CCDC12: variants seen among roughly 807,000 people sequenced by gnomAD.
CCDC12 encodes coiled-coil domain-containing protein 12.
CCDC12 carries 28 observed loss-of-function variants against 25.7 expected under a neutral mutation model. That is an observed-to-expected ratio of 1.09 (90% CI 0.81 to 1.50). The LOEUF is 1.50. Among genes scored for constraint, CCDC12 ranks in the 40% most tolerant of loss-of-function variants. The probability of loss-of-function intolerance (pLI) is 0.00; values close to 1 mark genes in which losing one functional copy is unlikely to be tolerated. For missense variants in CCDC12, 198 were observed against 210.0 expected, an observed-to-expected ratio of 0.94 and a Z score of 0.35; for synonymous variants, 75 against 87.7, an observed-to-expected ratio of 0.86 and a Z score of 0.81.
chr3:46,950,456 TAC>T (rs975194204), intron 1 of CCDC12, among the ~76,000 whole-genome samples: 2 of 149,414 alleles, frequency 1.3e-5, no homozygotes, highest in Admixed American at 1.3e-4. Context: ...TAGCTAGGAC[TAC>T]AGGGGCATGC....
At chr3:46,922,213 A>G in intron 6 of CCDC12, 23 bp downstream of exon 6, 1 of 1,614,064 alleles carries the variant, frequency 6.2e-7, no homozygotes, top group Non-Finnish European at 8.5e-7. Context: ...GCAGGACCCC[A>G]CCTTCCCAGG....
chr3:46,938,715 G>A (rs891815099), intron 2 of CCDC12, among the ~76,000 whole-genome samples: 6 of 151,632 alleles, frequency 4.0e-5, no homozygotes, highest in Non-Finnish European at 5.9e-5. Flanking sequence ...GGGCATAGTG[G>A]TGCGCACCTG....
At chr3:46,955,530 G>A (rs576389529) in intron 1 of CCDC12, among the ~76,000 whole-genome samples, 1 of 152,252 alleles carries the variant, frequency 6.6e-6, no homozygotes, top group African/African-American at 2.4e-5. Flanking sequence ...TGCAGACTGA[G>A]CGGTCAGAGA....
At chr3:46,942,388 A>T (rs911833428) in intron 1 of CCDC12, among the ~76,000 whole-genome samples, 1 of 152,246 alleles carries the variant, frequency 6.6e-6, no homozygotes, top group Non-Finnish European at 1.5e-5. Flanking sequence ...TGACTCTCGC[A>T]GAGCAGTGTT....
At chr3:46,950,495 T>G (rs77337034) in intron 1 of CCDC12, among the ~76,000 whole-genome samples, 1,311 of 108,226 alleles carry the variant, frequency 0.012, 23 homozygotes, top group African/African-American at 0.032. Context: ...TTTTTTTTTT[T>G]TGGGGTAGAG....
chr3:46,979,653 G>A (rs934391571), upstream of CCDC12: 4 of 312,468 alleles, frequency 1.3e-5, no homozygotes, highest in Non-Finnish European at 1.8e-5. Flanking sequence ...CAGGAAGCTG[G>A]GCGGCGGCCG....
At chr3:46,971,434 C>T (rs965860475) in intron 1 of CCDC12, among the ~76,000 whole-genome samples, 3 of 152,224 alleles carry the variant, frequency 2.0e-5, no homozygotes, top group Non-Finnish European at 2.9e-5. Flanking sequence ...CATCCCAGCT[C>T]TCCTCAGCCT....
intron 1 of CCDC12, among the ~76,000 whole-genome samples, chr3:46,964,683 G>A (rs2034587416): frequency 6.6e-6 from 1 of 152,128 alleles, no homozygotes; most frequent in South Asian, 2.1e-4. Context: ...AACGTGTGCT[G>A]TGTCCACTCA....
chr3:46,950,025 CAA>C (rs11298672), intron 1 of CCDC12, among the ~76,000 whole-genome samples: 57 of 108,500 alleles, frequency 5.3e-4, no homozygotes, highest in Middle Eastern at 4.6e-3. Context: ...GACTCCATCT[CAA>C]AAAAAAAAAA....
chr3:46,972,883 C>T (rs755613101), intron 1 of CCDC12, among the ~76,000 whole-genome samples: 9 of 152,036 alleles, frequency 5.9e-5, no homozygotes, highest in Non-Finnish European at 1.3e-4. Flanking sequence ...GCAGCCACTA[C>T]TGAAAACACT....
intron 1 of CCDC12, among the ~76,000 whole-genome samples, chr3:46,953,812 T>TG (rs1384512444): frequency 6.6e-6 from 1 of 152,110 alleles, no homozygotes; most frequent in Non-Finnish European, 1.5e-5. Flanking sequence ...TCTCCATTAC[T>TG]GGGGGGCTAA....
chr3:46,981,253 G>T (rs2107239312), upstream of CCDC12, among the ~76,000 whole-genome samples: 1 of 152,186 alleles, frequency 6.6e-6, no homozygotes, highest in African/African-American at 2.4e-5. Flanking sequence ...GACCATCCTG[G>T]CCAACATGGT....
Position 46,976,697 on chromosome 3 carries a change from C to T in CCDC12, c.36G>A (p.Glu12=), listed in dbSNP as rs772184001. 9 of 1,605,594 alleles carry T rather than the reference C, an allele frequency of 5.6e-6. No homozygotes were observed. The highest frequency in any genetic ancestry group is 1.3e-5 in the African/African-American group (1 of 74,710). ...GTTCCTTTCGCCGCAACGCCTCTTC[C>T]TCTAGCCGGCCCACACCAGCCGTAG... ...EATTAGVGRL[E]EEALRRKERL... The change falls in exon 1 of 7, where the codon GAG becomes GAA. Residue 12 remains glutamate, a synonymous_variant. Coordinates refer to ENST00000683445, the MANE Select transcript of CCDC12 (RefSeq NM_001277074.2).
At chr3:46,954,718 G>A (rs1377313344) in intron 1 of CCDC12, among the ~76,000 whole-genome samples, 1 of 152,196 alleles carries the variant, frequency 6.6e-6, no homozygotes, top group Non-Finnish European at 1.5e-5. Context: ...AAGGTTAGGA[G>A]TTCAAGACCA....
At chr3:46,960,785 C>T (rs1022186500) in intron 1 of CCDC12, among the ~76,000 whole-genome samples, 4 of 152,324 alleles carry the variant, frequency 2.6e-5, no homozygotes, top group Admixed American at 6.5e-5. Context: ...CCCAGATCTC[C>T]GAACAACTGG....
At chr3:46,978,072 C>T (rs1306341624), upstream of CCDC12, among the ~76,000 whole-genome samples, 1 of 152,236 alleles carries the variant, frequency 6.6e-6, no homozygotes, top group Non-Finnish European at 1.5e-5. Flanking sequence ...TGTTCCCTCC[C>T]TGAGTCTTCC....
At chr3:46,951,798 A>AAAAAAAAAAAAAAAGATATATAT in intron 1 of CCDC12, among the ~76,000 whole-genome samples, 1 of 8,476 alleles carries the variant, frequency 1.2e-4, no homozygotes, top group Non-Finnish European at 2.8e-4. Flanking sequence ...AAAAAAAAAA[A>AAAAAAAAAAAAAAAGATATATAT]ATATATATAT....
chr3:46,971,114 C>G lies in CCDC12; in HGVS notation c.96+5523G>C, dbSNP rs184154601. ...TCTATGCACCTGAATGTTCCCACCT[C>G]TAAAATGCTCCCTGGGAACACTCTC... On this transcript the variant is annotated intron_variant, in intron 1 of 6. Transcript: ENST00000683445. 3.3e-5 allele frequency among the ~76,000 whole-genome samples: 5 copies of G among 152,354 alleles called. No homozygotes were observed. In the East Asian group the frequency reaches 7.7e-4, roughly 23 times the overall value.
chr3:46,951,809 ATATATATATATATACT>A (rs1318592415), intron 1 of CCDC12, among the ~76,000 whole-genome samples: 1 of 77,804 alleles, frequency 1.3e-5, no homozygotes, highest in Non-Finnish European at 2.6e-5. Flanking sequence ...ATATATATAT[ATATATATATATATACT>A]TAATGAGGAT....
Sources: gnomAD v4.1 joint callset for allele counts (sites outside exome capture counted in the v4.1 genomes callset) on GRCh38, gnomAD v4.1.1 for gene constraint, MANE v1.5 for transcripts, NCBI Gene and HGNC (gene_info 2026-07-23, HGNC 2026-07-21) for gene names.